Variants in TSC22D1 observed in about 807,000 individuals in gnomAD.
The protein encoded by TSC22D1 is TSC22 domain family member 1.
In TSC22D1, 9 loss-of-function variants were observed where a neutral mutation model predicts 74.2. The observed-to-expected ratio is 0.12, with a 90% CI of 0.07 to 0.21. TSC22D1 has a LOEUF of 0.21. Among genes scored for constraint, TSC22D1 ranks in the 10% least tolerant of loss-of-function variants. The pLI is 1.00. For missense variants in TSC22D1, 1,427 were observed against 1,304.7 expected, an observed-to-expected ratio of 1.09 and a Z score of -1.44; for synonymous variants, 586 against 492.5, an observed-to-expected ratio of 1.19 and a Z score of -2.51.
At chr13:44,472,470 C>A (rs1877660380) in intron 1 of TSC22D1, among the ~76,000 whole-genome samples, 1 of 152,170 alleles carries the variant, frequency 6.6e-6, no homozygotes, top group African/African-American at 2.4e-5. Context: ...TCCCCTCTCA[C>A]CCACTCACTC....
chr13:44,435,576 C>T (rs1874521592), intron 2 of TSC22D1, among the ~76,000 whole-genome samples: 1 of 152,166 alleles, frequency 6.6e-6, no homozygotes, highest in African/African-American at 2.4e-5. Context: ...GATTCTTCTT[C>T]ATTGTGAAGG....
chr13:44,517,739 ATATATACG>A (rs1458107899), intron 1 of TSC22D1, among the ~76,000 whole-genome samples: 2 of 112,512 alleles, frequency 1.8e-5, no homozygotes, highest in East Asian at 4.8e-4. Context: ...ATATATATAC[ATATATACG>A]TATATATGTG....
At chr13:44,531,844 T>A (rs1206437162) in intron 1 of TSC22D1, among the ~76,000 whole-genome samples, 2 of 152,244 alleles carry the variant, frequency 1.3e-5, no homozygotes, top group Non-Finnish European at 2.9e-5. Context: ...AACACAAGAC[T>A]GTGCCTGAAT....
intron 1 of TSC22D1, among the ~76,000 whole-genome samples, chr13:44,521,120 GC>G (rs796196490): frequency 2.6e-5 from 4 of 152,240 alleles, no homozygotes; most frequent in African/African-American, 9.6e-5. Context: ...CTCTTATTGG[GC>G]TTAAGACTGC....
intron 1 of TSC22D1, among the ~76,000 whole-genome samples, chr13:44,465,028 A>G (rs987414920): frequency 6.6e-6 from 1 of 152,224 alleles, no homozygotes; most frequent in African/African-American, 2.4e-5. Context: ...ACAATGCTGC[A>G]CAAGTTTTGA....
At chr13:44,545,262 G>A (rs534125409) in intron 1 of TSC22D1, among the ~76,000 whole-genome samples, 2 of 151,116 alleles carry the variant, frequency 1.3e-5, no homozygotes, top group Admixed American at 6.6e-5. Flanking sequence ...TTGAACCCGG[G>A]AGGTGGAGGT....
In TSC22D1 at chr13:44,576,136, G is replaced by C. The variant is rs561483221; in HGVS notation, c.-62C>G. The C allele has an allele frequency of 8.5e-5, 121 of 1,423,536 alleles. No homozygotes were observed. The East Asian group carries it at 3.1e-3, about 37-fold the overall frequency. 88.2% of individuals were successfully genotyped at this position (1,423,536 alleles called of 1,614,324 possible). A position where few individuals can be genotyped will look rare whatever the true frequency, so the allele number is the denominator to read the frequency against. On this transcript the variant is annotated 5_prime_UTR_variant, in exon 1 of 3. Coordinates refer to ENST00000458659, the MANE Select transcript of TSC22D1 (RefSeq NM_183422.4). Reference sequence around the variant, plus strand: ...AATTTCCTTCTGCACCGTAATCTTTGTATTGGAGACGCCGGAGAGGAAAAC... The same window carrying C: ...AATTTCCTTCTGCACCGTAATCTTTCTATTGGAGACGCCGGAGAGGAAAAC...
intron 1 of TSC22D1, among the ~76,000 whole-genome samples, chr13:44,446,784 A>AGAG (rs1009163204): frequency 1.2e-5 from 1 of 80,578 alleles, no homozygotes; most frequent in African/African-American, 3.9e-5. Context: ...AAGAGGAAGA[A>AGAG]GAGGAGGAGG....
At chr13:44,444,588 ATGATAAAAGGTC>A (rs1595081489) in intron 1 of TSC22D1, among the ~76,000 whole-genome samples, 2 of 152,106 alleles carry the variant, frequency 1.3e-5, no homozygotes, top group Non-Finnish European at 2.9e-5. Flanking sequence ...GGTCATTATA[ATGATAAAAGGTC>A]GATTTTATCA....
At chr13:44,506,694 G>C (rs1879463842) in intron 1 of TSC22D1, among the ~76,000 whole-genome samples, 1 of 152,194 alleles carries the variant, frequency 6.6e-6, no homozygotes, top group Non-Finnish European at 1.5e-5. Context: ...ACAGGGAAAA[G>C]TGTTCTACCA....
At chr13:44,553,812 A>G (rs2138162656) in intron 1 of TSC22D1, among the ~76,000 whole-genome samples, 1 of 152,340 alleles carries the variant, frequency 6.6e-6, no homozygotes, top group South Asian at 2.1e-4. Context: ...CAGCGAAAGA[A>G]TTAATCCCTG....
At chr13:44,533,675 CG>C (rs1360395945) in intron 1 of TSC22D1, among the ~76,000 whole-genome samples, 1 of 151,690 alleles carries the variant, frequency 6.6e-6, no homozygotes, top group Non-Finnish European at 1.5e-5. Context: ...CCCAGGTACT[CG>C]GGAGGCTGAG....
At position 44,573,801 on chromosome 13, in the gene TSC22D1, A is replaced by C. The variant is rs1469714089; in HGVS notation, c.2274T>G (p.Ala758=). The C allele has an allele frequency of 8.7e-6, 14 of 1,614,240 alleles. No homozygotes were observed. Among genetic ancestry groups the C allele is most frequent in the Non-Finnish European group, 1.2e-5 (14 of 1,180,040 alleles). The change falls in exon 1 of 3, where the codon GCT becomes GCG. Residue 758 remains alanine, a synonymous_variant. Coordinates refer to ENST00000458659, the MANE Select transcript of TSC22D1 (RefSeq NM_183422.4). The stretch of plus-strand genomic sequence containing the variant: ...GTGGAACCACTTGCGAAGATGGAGG[A>C]GCACCCTGCTGAATAACTGAAGGTG... ...QVPPSVIQQG[A]PPSSQVVPPA...
In TSC22D1 at chr13:44,434,292, G is replaced by C. The variant is rs1874326742; in HGVS notation, c.*334C>G. 1 of 1,378,982 alleles carries C rather than the reference G, an allele frequency of 7.3e-7. No individual in the cohort carries two copies. The highest frequency in any genetic ancestry group is 9.3e-7 in the Non-Finnish European group (1 of 1,076,722). The allele number at this position is 1,378,982 out of a possible 1,614,324, so 85.4% of individuals were successfully genotyped here. A position where few individuals can be genotyped will look rare whatever the true frequency, so the allele number is the denominator to read the frequency against. ...GCGCAAGCAGGAGAGAGAACCCTTG[G>C]AAGTGAGGGGTAGGGAGCCGGAAGG... On this transcript the variant is annotated 3_prime_UTR_variant, in exon 3 of 3. Coordinates refer to ENST00000458659, the MANE Select transcript of TSC22D1 (RefSeq NM_183422.4).
intron 1 of TSC22D1, among the ~76,000 whole-genome samples, chr13:44,528,474 TTTAA>T (rs1412763994): frequency 1.3e-5 from 2 of 152,058 alleles, no homozygotes; most frequent in African/African-American, 4.8e-5. Flanking sequence ...CCTCAATTTT[TTTAA>T]TTGTTTCAAA....
At chr13:44,563,375 T>A (rs944551116) in intron 1 of TSC22D1, among the ~76,000 whole-genome samples, 1 of 152,234 alleles carries the variant, frequency 6.6e-6, no homozygotes, top group African/African-American at 2.4e-5. Flanking sequence ...ATCCCCATCA[T>A]TTATTTCCTT....
chr13:44,564,347 T>TC (rs1257065181), intron 1 of TSC22D1, among the ~76,000 whole-genome samples: 1 of 152,158 alleles, frequency 6.6e-6, no homozygotes, highest in Non-Finnish European at 1.5e-5. Context: ...CAAAATCTAA[T>TC]TACGAACTGT....
At chr13:44,549,492 G>A (rs1882060570) in intron 1 of TSC22D1, among the ~76,000 whole-genome samples, 1 of 152,124 alleles carries the variant, frequency 6.6e-6, no homozygotes, top group African/African-American at 2.4e-5. Flanking sequence ...GAAAGCCTGG[G>A]CTGGGCACAG....
intron 1 of TSC22D1, among the ~76,000 whole-genome samples, chr13:44,534,865 AAAAT>A (rs1881056057): frequency 6.6e-6 from 1 of 152,186 alleles, no homozygotes; most frequent in South Asian, 2.1e-4. Flanking sequence ...AATTTTGCCA[AAAAT>A]ATTCCAGGCA....
Sources: gnomAD v4.1 joint callset for allele counts (sites outside exome capture counted in the v4.1 genomes callset) on GRCh38, gnomAD v4.1.1 for gene constraint, MANE v1.5 for transcripts, NCBI Gene and HGNC (gene_info 2026-07-23, HGNC 2026-07-21) for gene names.